Variants in CHST9 observed in about 807,000 individuals in gnomAD.
CHST9 encodes GalNAc-4-sulfotransferase 2.
Under a neutral mutation model 44.4 loss-of-function variants are expected in CHST9, and 41 were observed. The ratio of observed to expected loss-of-function variants is 0.92; its 90% confidence interval spans 0.72 to 1.20. CHST9 has a LOEUF of 1.20. CHST9 is among the 50% of genes most tolerant of loss of function. The probability of loss-of-function intolerance (pLI) is 0.00; values close to 1 mark genes in which losing one functional copy is unlikely to be tolerated. For synonymous variants in CHST9, 171 were observed against 178.4 expected (o/e 0.96, Z 0.33); for missense variants, 504 against 516.5 (o/e 0.98, Z 0.23).
In CHST9 at chr18:26,910,389, G is replaced by A. The variant is rs1029215909; in HGVS notation, c.*5870C>T. 6.6e-6 allele frequency: 1 copy of A among 152,270 alleles called. No individual in the cohort carries two copies. The highest frequency in any genetic ancestry group is 2.4e-5 in the African/African-American group (1 of 41,454). 9.4% of individuals were successfully genotyped at this position (152,270 alleles called of 1,614,324 possible). On this transcript the variant is annotated 3_prime_UTR_variant, in exon 6 of 6. Transcript: ENST00000618847. ...GTTCAGGAGTTGATTTCCTTTGGAA[G>A]CTTGGCGGGGGAAGGAATACACTCT...
chr18:26,990,883 C>T (rs1165477386), intron 4 of CHST9, among the ~76,000 whole-genome samples: 2 of 152,194 alleles, frequency 1.3e-5, no homozygotes, highest in African/African-American at 4.8e-5. Flanking sequence ...TCCTTCTGCT[C>T]TTCAGGCCTA....
chr18:27,047,388 T>TTGTGTGTGTG (rs55698484), intron 3 of CHST9, among the ~76,000 whole-genome samples: 8,370 of 145,568 alleles, frequency 0.057, 609 homozygotes, highest in African/African-American at 0.17. Context: ...GCCTTCATAA[T>TTGTGTGTGTG]TGTGTGTGTG....
At chr18:27,010,930 GACC>G (rs34078737) in intron 4 of CHST9, among the ~76,000 whole-genome samples, 52,946 of 151,770 alleles carry the variant, frequency 0.35, 9,808 homozygotes, top group East Asian at 0.46. Flanking sequence ...ACACTCAGCA[GACC>G]ACCAGCCTCT....
chr18:26,952,356 TG>T, intron 4 of CHST9: 1 of 485,638 alleles, frequency 2.1e-6, no homozygotes, highest in Non-Finnish European at 4.1e-6. Context: ...GTAGGACTCC[TG>T]GGCAATTGGG....
rs377707603 is a variant in CHST9, at chr18:26,973,467, G to T, written c.203-29101C>A. On this transcript the variant is annotated intron_variant, in intron 4 of 5. Transcript: ENST00000618847. ...AGTAGTCTCATAAAAGCTGGAGAAG[G>T]TGTTGCTTTAGATCAAGCTTATCCA... Among the ~76,000 whole-genome samples the T allele has an allele frequency of 5.7e-4, 87 of 152,340 alleles. 2 individuals carry two copies. In the South Asian group the frequency reaches 0.017, roughly 30 times the overall value.
chr18:26,941,908 C>G (rs1001388174), intron 5 of CHST9, among the ~76,000 whole-genome samples: 1 of 152,180 alleles, frequency 6.6e-6, no homozygotes, highest in African/African-American at 2.4e-5. Context: ...AGAGCTTCCC[C>G]TCCACTCCTG....
chr18:26,950,957 G>T (rs956148904), intron 4 of CHST9, among the ~76,000 whole-genome samples: 2 of 152,080 alleles, frequency 1.3e-5, no homozygotes, highest in Admixed American at 6.6e-5. Flanking sequence ...TTTGGTTAGA[G>T]GATTAAAGAG....
At chr18:27,094,733 C>A (rs1271972057) in intron 2 of CHST9, among the ~76,000 whole-genome samples, 1 of 152,144 alleles carries the variant, frequency 6.6e-6, no homozygotes, top group Admixed American at 6.6e-5. Flanking sequence ...ACCCTCATGG[C>A]AACCTAACAA....
chr18:27,102,910 G>A (rs1361747013), intron 2 of CHST9, among the ~76,000 whole-genome samples: 6 of 152,078 alleles, frequency 3.9e-5, no homozygotes, highest in Non-Finnish European at 8.8e-5. Flanking sequence ...CTAACTTAAT[G>A]TAAGAAGGTA....
intron 2 of CHST9, among the ~76,000 whole-genome samples, chr18:27,110,356 C>T (rs1238764031): frequency 1.3e-5 from 2 of 151,836 alleles, no homozygotes; most frequent in African/African-American, 4.8e-5. Flanking sequence ...CCTGACATTT[C>T]TGTATTAATC....
intron 1 of CHST9, among the ~76,000 whole-genome samples, chr18:27,182,326 A>G (rs1019069101): frequency 4.0e-4 from 31 of 78,426 alleles, no homozygotes; most frequent in Non-Finnish European, 6.0e-5. Context: ...GTCCAAAGCC[A>G]TTCTTCTAAG....
intron 3 of CHST9, among the ~76,000 whole-genome samples, chr18:27,034,220 A>C (rs2057368819): frequency 1.3e-5 from 2 of 152,160 alleles, no homozygotes; most frequent in Non-Finnish European, 2.9e-5. Context: ...GCTTGTTCTC[A>C]GCTTAAATCT....
chr18:27,075,640 A>T (rs1174411652), intron 2 of CHST9, among the ~76,000 whole-genome samples: 1 of 152,200 alleles, frequency 6.6e-6, no homozygotes, highest in Non-Finnish European at 1.5e-5. Context: ...AAACTTAAAA[A>T]TCTCATTTGC....
At chr18:27,121,214 A>G (rs1375612909) in intron 2 of CHST9, among the ~76,000 whole-genome samples, 1 of 152,066 alleles carries the variant, frequency 6.6e-6, no homozygotes, top group Admixed American at 6.5e-5. Flanking sequence ...TATGTTGCCC[A>G]GGTTGCTCTC....
chr18:26,969,000 C>CTTT (rs34898136), intron 4 of CHST9, among the ~76,000 whole-genome samples: 1 of 132,740 alleles, frequency 7.5e-6, no homozygotes, highest in Non-Finnish European at 1.6e-5. Context: ...TTTATGCAGT[C>CTTT]TTTTTTTTTT....
intron 4 of CHST9, among the ~76,000 whole-genome samples, chr18:26,977,515 G>C (rs1179841112): frequency 6.6e-6 from 1 of 152,028 alleles, no homozygotes; most frequent in Non-Finnish European, 1.5e-5. Context: ...TGCCATGCTA[G>C]TTAAAATACT....
chr18:27,094,648 T>C (rs1000972252), intron 2 of CHST9, among the ~76,000 whole-genome samples: 10 of 152,182 alleles, frequency 6.6e-5, no homozygotes, highest in Non-Finnish European at 1.0e-4. Flanking sequence ...GAAAAAGCAA[T>C]GGTCAGAAGG....
intron 1 of CHST9, among the ~76,000 whole-genome samples, chr18:27,158,270 A>G (rs1483259988): frequency 6.7e-6 from 1 of 150,134 alleles, no homozygotes; most frequent in Non-Finnish European, 1.5e-5. Context: ...CCACCCCACA[A>G]CAGGCCCCAG....
intron 5 of CHST9, among the ~76,000 whole-genome samples, chr18:26,930,467 A>G (rs112412122): frequency 6.6e-6 from 1 of 152,232 alleles, no homozygotes; most frequent in Non-Finnish European, 1.5e-5. Context: ...TGCAAGGTCT[A>G]TGTATGCATG....
Sources: allele counts gnomAD v4.1 joint callset (sites outside exome capture counted in the v4.1 genomes callset), GRCh38; gene constraint gnomAD v4.1.1; transcripts MANE v1.5; gene names NCBI Gene and HGNC (gene_info 2026-07-23, HGNC 2026-07-21).